The following PCSK2 variants were observed in gnomAD, a reference collection of about 807,000 sequenced individuals.
PCSK2 encodes proprotein convertase subtilisin/kexin type 2, also known as neuroendocrine convertase 2.
In PCSK2, 14 loss-of-function variants were observed where a neutral mutation model predicts 69.7. The ratio of observed to expected loss-of-function variants is 0.20; its 90% CI spans 0.13 to 0.31. The LOEUF (loss-of-function observed/expected upper bound fraction) is 0.31, where lower values mean the gene tolerates loss of function less well. Among genes scored for constraint, PCSK2 ranks in the 10% least tolerant of loss-of-function variants. The pLI, the probability that PCSK2 is intolerant of heterozygous loss-of-function variation, is 1.00. For missense variants in PCSK2, 544 were observed against 842.5 expected, an observed-to-expected ratio of 0.65 and a Z score of 4.39; for synonymous variants, 307 against 320.7, an observed-to-expected ratio of 0.96 and a Z score of 0.46.
chr20:17,408,747 A>G (rs1042536408), intron 5 of PCSK2, among the ~76,000 whole-genome samples: 3 of 152,236 alleles, frequency 2.0e-5, no homozygotes, highest in African/African-American at 7.2e-5. Context: ...GGACAACGTC[A>G]GGGCCTTGGG....
At chr20:17,321,601 C>G (rs893416357) in intron 2 of PCSK2, among the ~76,000 whole-genome samples, 1 of 152,202 alleles carries the variant, frequency 6.6e-6, no homozygotes, top group Non-Finnish European at 1.5e-5. Flanking sequence ...GCATCATGCT[C>G]TGATCCTACA....
chr20:17,288,420 G>A (rs1328560041), intron 2 of PCSK2, among the ~76,000 whole-genome samples: 1 of 152,140 alleles, frequency 6.6e-6, no homozygotes, highest in East Asian at 1.9e-4. Context: ...AGACAGCTCT[G>A]GATGCTGGAG....
intron 5 of PCSK2, among the ~76,000 whole-genome samples, chr20:17,388,117 T>C (rs560341302): frequency 6.6e-5 from 10 of 152,222 alleles, no homozygotes; most frequent in African/African-American, 2.4e-4. Context: ...CCAGTGTGTG[T>C]GTGCTGGGGG....
intron 1 of PCSK2, among the ~76,000 whole-genome samples, chr20:17,257,030 A>G (rs1054083971): frequency 7.2e-5 from 11 of 152,156 alleles, no homozygotes; most frequent in African/African-American, 2.2e-4. Flanking sequence ...ATTGATGGGC[A>G]TTTGAGTTGG....
intron 6 of PCSK2, among the ~76,000 whole-genome samples, chr20:17,418,653 C>A (rs1198117495): frequency 6.6e-6 from 1 of 152,172 alleles, no homozygotes; most frequent in African/African-American, 2.4e-5. Flanking sequence ...TCAGAAGCCC[C>A]AATAGCCTGG....
chr20:17,349,293 C>T (rs1469547167), intron 2 of PCSK2, among the ~76,000 whole-genome samples: 1 of 152,250 alleles, frequency 6.6e-6, no homozygotes, highest in Non-Finnish European at 1.5e-5. Flanking sequence ...CAATATTACA[C>T]AGAAGGCAGC....
At chr20:17,402,865 G>C (rs760253145) in intron 5 of PCSK2, among the ~76,000 whole-genome samples, 38 of 152,136 alleles carry the variant, frequency 2.5e-4, no homozygotes, top group Non-Finnish European at 4.4e-4. Flanking sequence ...GCTGAGGCGG[G>C]AGAATGGCAT....
intron 3 of PCSK2, among the ~76,000 whole-genome samples, chr20:17,360,135 C>A (rs940305097): frequency 1.3e-5 from 2 of 152,100 alleles, no homozygotes; most frequent in Admixed American, 6.5e-5. Context: ...TAATCCAAAA[C>A]AATATGCTGT....
At chr20:17,273,531 G>T (rs1459972119) in intron 2 of PCSK2, among the ~76,000 whole-genome samples, 1 of 152,124 alleles carries the variant, frequency 6.6e-6, no homozygotes, top group Non-Finnish European at 1.5e-5. Context: ...AGCAGAAAAG[G>T]TGATAGTGTC....
intron 5 of PCSK2, among the ~76,000 whole-genome samples, chr20:17,403,678 A>G (rs2123293295): frequency 6.6e-6 from 1 of 152,386 alleles, no homozygotes. Context: ...GTAGCAAGAC[A>G]GAATAAAAGG....
chr20:17,461,075 G>C (rs969202640), intron 10 of PCSK2, among the ~76,000 whole-genome samples: 1 of 151,968 alleles, frequency 6.6e-6, no homozygotes, highest in African/African-American at 2.4e-5. Flanking sequence ...TTGCCTGTGG[G>C]GCTCACCACT....
intron 2 of PCSK2, among the ~76,000 whole-genome samples, chr20:17,310,901 C>T (rs890905179): frequency 2.4e-4 from 36 of 150,830 alleles, no homozygotes; most frequent in African/African-American, 8.3e-4. Flanking sequence ...ACTCTGGATG[C>T]TGAGGCAGAG....
intron 1 of PCSK2, among the ~76,000 whole-genome samples, chr20:17,247,009 C>A (rs12625236): frequency 0.076 from 11,607 of 152,182 alleles, 1,046 homozygotes; most frequent in African/African-American, 0.21. Context: ...TTACCTTGCA[C>A]ACAATCCAGG....
chr20:17,229,429 A>G (rs1600392077), intron 1 of PCSK2, among the ~76,000 whole-genome samples: 1 of 148,530 alleles, frequency 6.7e-6, no homozygotes, highest in African/African-American at 2.5e-5. Context: ...ACACCTTTTC[A>G]TGGGTGCGGG....
At chr20:17,392,551 C>T (rs930553216) in intron 5 of PCSK2, among the ~76,000 whole-genome samples, 5 of 152,156 alleles carry the variant, frequency 3.3e-5, no homozygotes, top group African/African-American at 9.7e-5. Context: ...AGTCAAGAGG[C>T]AGAACATCCC....
intron 2 of PCSK2, among the ~76,000 whole-genome samples, chr20:17,291,673 G>A (rs1988697989): frequency 6.6e-6 from 1 of 152,088 alleles, no homozygotes. Flanking sequence ...AGGTATAGAA[G>A]GTTTTTATTT....
At chr20:17,294,679 TC>T (rs1988829303) in intron 2 of PCSK2, among the ~76,000 whole-genome samples, 1 of 152,212 alleles carries the variant, frequency 6.6e-6, no homozygotes, top group African/African-American at 2.4e-5. Flanking sequence ...ATAATGTTTT[TC>T]CCCCTTGTCT....
Position 17,333,910 on chromosome 20 carries a change from C to CATATATATATATAT in PCSK2, c.283-24404_283-24391dup, listed in dbSNP as rs3076241. Among the ~76,000 whole-genome samples, 606 of 86,346 alleles carry CATATATATATATAT rather than the reference C, an allele frequency of 7.0e-3. 35 individuals are homozygous for CATATATATATATAT. Among genetic ancestry groups the CATATATATATATAT allele is most frequent in the East Asian group, 0.021 (16 of 760 alleles). 56.6% of individuals were successfully genotyped at this position (86,346 alleles called of 152,430 possible). A position where few individuals can be genotyped will look rare whatever the true frequency, so the allele number is the denominator to read the frequency against. ...TACATTTCTTCCTTCTAAGTCACTG[C>CATATATATATATAT]ATATATATATATATATATATATATA... On this transcript the variant is annotated intron_variant, in intron 2 of 11. Transcript: ENST00000262545.
intron 5 of PCSK2, among the ~76,000 whole-genome samples, chr20:17,387,294 C>G (rs186438899): frequency 0.013 from 1,937 of 152,286 alleles, 17 homozygotes; most frequent in Non-Finnish European, 0.019. Flanking sequence ...AGATTACCCC[C>G]AAAACATGGC....
Sources: gnomAD v4.1 joint callset for allele counts (sites outside exome capture counted in the v4.1 genomes callset) on GRCh38, gnomAD v4.1.1 for gene constraint, MANE v1.5 for transcripts, NCBI Gene and HGNC (gene_info 2026-07-23, HGNC 2026-07-21) for gene names.